CNTN5: variants seen among roughly 807,000 people sequenced by gnomAD.
The protein encoded by CNTN5 is contactin 5.
A neutral mutation model predicts 129.1 loss-of-function variants in CNTN5; 77 were observed. That is an observed-to-expected ratio of 0.60 (90% CI 0.50 to 0.72). The LOEUF (loss-of-function observed/expected upper bound fraction) is 0.72, where lower values mean the gene tolerates loss of function less well. CNTN5 is among the 30% of genes least tolerant of loss of function. The pLI, the probability that CNTN5 is intolerant of heterozygous loss-of-function variation, is 0.00. For missense variants in CNTN5, 1,478 were observed against 1,328.8 expected, an observed-to-expected ratio of 1.11 and a Z score of -1.75; for synonymous variants, 509 against 465.6, an observed-to-expected ratio of 1.09 and a Z score of -1.20.
At chr11:99,476,674 C>T (rs1012301570) in intron 2 of CNTN5, among the ~76,000 whole-genome samples, 1 of 151,988 alleles carries the variant, frequency 6.6e-6, no homozygotes, top group Admixed American at 6.6e-5. Context: ...CCCAAGTTTC[C>T]CAGTTTATTT....
rs148359342 is a variant in CNTN5, at chr11:99,770,305, G to A, written c.56-49239G>A. ...AAAACTATACAAAGGTACATTCAAA[G>A]AAGTCTCATTCTTATATCTGTTCCT... On this transcript the variant is annotated intron_variant, in intron 3 of 24. Transcript: ENST00000524871. Among the ~76,000 whole-genome samples the A allele has an allele frequency of 3.1e-3, 475 of 152,084 alleles. 5 individuals carry two copies. Among genetic ancestry groups the A allele is most frequent in the African/African-American group, 0.011 (458 of 41,506 alleles).
chr11:99,105,459 A>G (rs1222776111), intron 1 of CNTN5, among the ~76,000 whole-genome samples: 1 of 152,186 alleles, frequency 6.6e-6, no homozygotes, highest in Non-Finnish European at 1.5e-5. Flanking sequence ...TGTTACCTTA[A>G]TAAATATCAC....
chr11:99,080,133 A>T (rs1052393847), intron 1 of CNTN5, among the ~76,000 whole-genome samples: 1 of 152,228 alleles, frequency 6.6e-6, no homozygotes, highest in Non-Finnish European at 1.5e-5. Flanking sequence ...ATTATTGATC[A>T]TAAGGGCTGT....
At chr11:99,674,926 C>G (rs1320901375) in intron 3 of CNTN5, among the ~76,000 whole-genome samples, 1 of 152,132 alleles carries the variant, frequency 6.6e-6, no homozygotes, top group Non-Finnish European at 1.5e-5. Context: ...TTGGGTAGAT[C>G]TGTGGCTTGC....
intron 1 of CNTN5, among the ~76,000 whole-genome samples, chr11:99,165,968 T>G (rs1177773529): frequency 6.6e-6 from 1 of 152,206 alleles, no homozygotes; most frequent in African/African-American, 2.4e-5. Flanking sequence ...AAATTTTGTA[T>G]TATATTAGTA....
chr11:100,204,345 A>ATATATATAT (rs1948869894), intron 15 of CNTN5, among the ~76,000 whole-genome samples: 1 of 38,232 alleles, frequency 2.6e-5, no homozygotes, highest in Non-Finnish European at 6.4e-5. Context: ...TATATATATA[A>ATATATATAT]TTATAGGCAG....
intron 24 of CNTN5, among the ~76,000 whole-genome samples, chr11:100,355,330 G>A (rs930610933): frequency 6.6e-6 from 1 of 151,658 alleles, no homozygotes; most frequent in Non-Finnish European, 1.5e-5. Flanking sequence ...TCACTAGAGG[G>A]TCTACAGGGG....
intron 2 of CNTN5, among the ~76,000 whole-genome samples, chr11:99,348,550 C>A (rs1252878172): frequency 6.6e-6 from 1 of 152,170 alleles, no homozygotes; most frequent in Non-Finnish European, 1.5e-5. Flanking sequence ...TGGAGAAACT[C>A]CAACCTACAG....
intron 2 of CNTN5, among the ~76,000 whole-genome samples, chr11:99,380,104 TGTATGGTGTGTGTG>T: frequency 7.3e-6 from 1 of 136,572 alleles, no homozygotes. Context: ...TGTGTGTGTG[TGTATGGTGTGTGTG>T]TGTTAAATAA....
chr11:100,165,283 T>TC (rs1032132838), intron 13 of CNTN5, among the ~76,000 whole-genome samples: 1 of 151,768 alleles, frequency 6.6e-6, no homozygotes, highest in Admixed American at 6.6e-5. Flanking sequence ...CCTCCTGCTT[T>TC]CACTGTACTC....
chr11:100,323,750 A>G (rs1278602046), intron 21 of CNTN5, among the ~76,000 whole-genome samples: 1 of 151,058 alleles, frequency 6.6e-6, no homozygotes, highest in African/African-American at 2.4e-5. Context: ...TTTCCAATTC[A>G]TTTTGTTGTT....
chr11:100,095,346 T>C (rs1241308871), intron 13 of CNTN5, among the ~76,000 whole-genome samples: 4 of 152,092 alleles, frequency 2.6e-5, no homozygotes, highest in Non-Finnish European at 5.9e-5. Context: ...AAGTATGTTT[T>C]TGAGTGGAAG....
rs562197810 is a variant in CNTN5, at chr11:100,035,657, G to A, written c.981-25555G>A. Among the ~76,000 whole-genome samples, 144 of 142,908 alleles carry A rather than the reference G, an allele frequency of 1.0e-3. 2 individuals are homozygous for A. The highest frequency in any genetic ancestry group is 2.4e-3 in the South Asian group (10 of 4,234). The allele number at this position is 142,908 out of a possible 152,430, so 93.8% of individuals were successfully genotyped here. Reference sequence around the variant, plus strand: ...GTTGTTTCCTGACTTTTTAATGATCGCCATTCTAACTGGTGTGAGATGGTA... The same window carrying A: ...GTTGTTTCCTGACTTTTTAATGATCACCATTCTAACTGGTGTGAGATGGTA... On this transcript the variant is annotated intron_variant, in intron 9 of 24. Transcript: ENST00000524871.
chr11:100,353,734 T>C (rs752776965), intron 24 of CNTN5, among the ~76,000 whole-genome samples: 2 of 151,682 alleles, frequency 1.3e-5, no homozygotes, highest in African/African-American at 4.8e-5. Context: ...ATATGTTGAT[T>C]GATAAGTTCT....
intron 2 of CNTN5, among the ~76,000 whole-genome samples, chr11:99,450,008 A>G (rs1944233896): frequency 6.6e-6 from 1 of 152,110 alleles, no homozygotes; most frequent in Non-Finnish European, 1.5e-5. Flanking sequence ...TTGATCGACA[A>G]ACTGATGCAC....
chr11:99,202,945 G>A (rs1706759756), intron 1 of CNTN5, among the ~76,000 whole-genome samples: 1 of 151,440 alleles, frequency 6.6e-6, no homozygotes, highest in Non-Finnish European at 1.5e-5. Context: ...GACAATAAGT[G>A]AGAGAGAAAG....
chr11:99,960,999 T>G (rs1950926799), intron 8 of CNTN5, among the ~76,000 whole-genome samples: 1 of 151,838 alleles, frequency 6.6e-6, no homozygotes, highest in East Asian at 1.9e-4. Context: ...GATCAGGAGT[T>G]CAAGACCAAC....
chr11:99,622,459 C>T (rs754044579), intron 3 of CNTN5, among the ~76,000 whole-genome samples: 12 of 151,972 alleles, frequency 7.9e-5, no homozygotes, highest in South Asian at 2.1e-4. Context: ...AAGATTTATT[C>T]GGTATTAGTC....
At chr11:99,964,108 G>A (rs1159722828) in intron 8 of CNTN5, among the ~76,000 whole-genome samples, 1 of 152,042 alleles carries the variant, frequency 6.6e-6, no homozygotes, top group Non-Finnish European at 1.5e-5. Flanking sequence ...CTGCAAACAG[G>A]GACAATTTGA....
Sources: gnomAD v4.1 joint callset for allele counts (sites outside exome capture counted in the v4.1 genomes callset) on GRCh38, gnomAD v4.1.1 for gene constraint, MANE v1.5 for transcripts, NCBI Gene and HGNC (gene_info 2026-07-23, HGNC 2026-07-21) for gene names.